The following TBCE variants were observed in gnomAD, a reference collection of about 807,000 sequenced individuals.
TBCE encodes the protein tubulin-specific chaperone E.
A neutral mutation model predicts 77.0 loss-of-function variants in TBCE; 53 were observed. The ratio of observed to expected loss-of-function variants is 0.69; its 90% CI spans 0.55 to 0.87. TBCE has a LOEUF of 0.87. Ranked by LOEUF, TBCE falls within the 40% of genes least tolerant of loss-of-function variation. The pLI is 0.00. For missense variants in TBCE, 624 were observed against 622.4 expected (o/e 1.00, Z -0.03); for synonymous variants, 235 against 241.3 (o/e 0.97, Z 0.24).
chr1:235,401,796 G>A (rs1679120131), intron 3 of TBCE, among the ~76,000 whole-genome samples: 1 of 133,162 alleles, frequency 7.5e-6, no homozygotes, highest in Non-Finnish European at 1.6e-5. Flanking sequence ...TCTGACTCTT[G>A]ACCTTATGCA....
At chr1:235,440,289 T>G (rs543088012) in intron 13 of TBCE, among the ~76,000 whole-genome samples, 1 of 149,358 alleles carries the variant, frequency 6.7e-6, no homozygotes, top group South Asian at 2.1e-4. Flanking sequence ...ACTTCTTAAA[T>G]GTAGGTTCTT....
chr1:235,407,569 A>G (rs1437267824), intron 3 of TBCE, among the ~76,000 whole-genome samples: 2 of 152,168 alleles, frequency 1.3e-5, no homozygotes, highest in Non-Finnish European at 2.9e-5. Flanking sequence ...GCTTCAGGTT[A>G]CAACAGGCAG....
chr1:235,448,428 T>C lies in TBCE; in HGVS notation c.1479T>C (p.Tyr493=). The C allele has an allele frequency of 6.2e-7, 1 of 1,614,078 alleles. No homozygotes were observed. The change falls in exon 16 of 17, where the codon TAT becomes TAC. Residue 493 remains tyrosine, a synonymous_variant. Transcript: ENST00000642610. ...KVPVSDLLLS[Y]ESPKKPGREI... ...CTGTGTCAGACCTTCTGTTGTCCTA[T>C]GAAAGTCCCAAAGTAAGTTGCCCAG...
chr1:235,408,535 T>C (rs1269896917), intron 3 of TBCE, among the ~76,000 whole-genome samples: 1 of 152,116 alleles, frequency 6.6e-6, no homozygotes. Flanking sequence ...AAGGTTTTCT[T>C]GAATCAGAGC....
At chr1:235,436,664 C>A in intron 11 of TBCE, 56 bp downstream of exon 11, 2 of 1,505,354 alleles carry the variant, frequency 1.3e-6, no homozygotes, top group Non-Finnish European at 1.8e-6. Context: ...ACTCTCATGG[C>A]AGAGTTTGGA....
chr1:235,448,232 AAAAAAAAAGAC>A, intron 15 of TBCE, 106 bp from the exon 16 acceptor site: 1 of 798,480 alleles, frequency 1.3e-6, no homozygotes, highest in South Asian at 1.7e-5. Context: ...AAAAAAAAAA[AAAAAAAAAGAC>A]AGATACAGCT....
chr1:235,431,977 T>C (rs753259511), intron 7 of TBCE, among the ~76,000 whole-genome samples: 18 of 146,182 alleles, frequency 1.2e-4, no homozygotes, highest in Non-Finnish European at 3.0e-5. Context: ...CAGCCCACTT[T>C]CATTTTTATT....
chr1:235,379,229 C>G (rs551312591), intron 1 of TBCE, among the ~76,000 whole-genome samples: 1 of 152,078 alleles, frequency 6.6e-6, no homozygotes, highest in African/African-American at 2.4e-5. Context: ...CTGACAACCC[C>G]TAAAAACATG....
intron 9 of TBCE, chr1:235,436,063 G>A: frequency 1.6e-6 from 1 of 606,484 alleles, no homozygotes; most frequent in South Asian, 2.0e-5. Context: ...TTTGAAGAAT[G>A]AATAATTTGA....
In TBCE at chr1:235,430,813, ATTTC is replaced by A. The variant is rs746421871; in HGVS notation, c.660+13_660+16del. The A allele has an allele frequency of 6.2e-7, 1 of 1,607,128 alleles. No homozygotes were observed. The highest frequency in any genetic ancestry group is 1.1e-5 in the South Asian group (1 of 90,862). ...GAATAACGTGGGCTGAGGTAATCAT[ATTTC>A]TTTGTTTTATTACACATTAATAAGC... On this transcript the variant is annotated intron_variant, in intron 7 of 16. Coordinates refer to ENST00000642610, the MANE Select transcript of TBCE (RefSeq NM_003193.5).
At chr1:235,423,426 C>T (rs1309689841) in intron 5 of TBCE, among the ~76,000 whole-genome samples, 1 of 152,098 alleles carries the variant, frequency 6.6e-6, no homozygotes. Flanking sequence ...TGGGAAGCAG[C>T]AGTGAGGGAA....
chr1:235,376,302 T>A (rs1486466032), intron 1 of TBCE, among the ~76,000 whole-genome samples: 1 of 152,140 alleles, frequency 6.6e-6, no homozygotes, highest in Non-Finnish European at 1.5e-5. Flanking sequence ...CTCTCTGGTT[T>A]TACTTCCCAT....
At position 235,409,978 on chromosome 1, in the gene TBCE, C is replaced by T. The variant is rs113593910; in HGVS notation, c.186-4455C>T. On this transcript the variant is annotated intron_variant, in intron 3 of 16. Transcript: ENST00000642610. ...CCGGGAGTTGGAGATTGCAGTGAAC[C>T]GAGATCGTGCCACTGCACTCCAGCC... is the stretch of plus-strand genomic sequence containing the variant. 4.0e-3 allele frequency among the ~76,000 whole-genome samples: 592 copies of T among 147,370 alleles called. 4 individuals are homozygous for T. The highest frequency in any genetic ancestry group is 0.015 in the African/African-American group (569 of 39,192).
intron 1 of TBCE, 72 bp from the exon 2 acceptor site, chr1:235,379,947 C>CAAA (rs36068852): frequency 2.8e-3 from 2,025 of 726,730 alleles, no homozygotes; most frequent in Middle Eastern, 4.5e-3. Flanking sequence ...GACTGTGCCT[C>CAAA]AAAAAAAAAA....
chr1:235,427,036 A>G, intron 5 of TBCE, 104 bp from the exon 6 acceptor site: 2 of 800,884 alleles, frequency 2.5e-6, no homozygotes, highest in African/African-American at 3.4e-5. Flanking sequence ...ACTAGAGGGT[A>G]TAAAATGAAA....
chr1:235,396,020 G>C (rs984184439), intron 2 of TBCE, among the ~76,000 whole-genome samples: 1 of 151,842 alleles, frequency 6.6e-6, no homozygotes, highest in Admixed American at 6.6e-5. Flanking sequence ...TTTAAGGCTG[G>C]ATAGTATTTT....
At position 235,450,110 on chromosome 1, in the gene TBCE, C is replaced by G; in HGVS notation, c.*1348C>G. 2 of 1,448,204 alleles carry G rather than the reference C, an allele frequency of 1.4e-6. No individual in the cohort carries two copies. Among genetic ancestry groups the G allele is most frequent in the Non-Finnish European group, 1.9e-6 (2 of 1,044,462 alleles). The allele number at this position is 1,448,204 out of a possible 1,614,324, so 89.7% of individuals were successfully genotyped here. A position where few individuals can be genotyped will look rare whatever the true frequency, so the allele number is the denominator to read the frequency against. On this transcript the variant is annotated 3_prime_UTR_variant, in exon 17 of 17. Transcript: ENST00000642610. Reference sequence around the variant, plus strand: ...CCAGTCTGGAACTCTCTTGAAAGACCATACAGTCTACTGCTAAACCCTGGG... The same window carrying G: ...CCAGTCTGGAACTCTCTTGAAAGACGATACAGTCTACTGCTAAACCCTGGG...
chr1:235,436,319 G>A (rs1681446523), intron 9 of TBCE, 67 bp from the exon 10 acceptor site: 1 of 1,493,462 alleles, frequency 6.7e-7, no homozygotes, highest in Non-Finnish European at 9.3e-7. Flanking sequence ...TACAAACCGA[G>A]TCTGGTTGAT....
intron 11 of TBCE, among the ~76,000 whole-genome samples, chr1:235,436,956 T>TA (rs758098766): frequency 0.029 from 3,758 of 131,206 alleles, 144 homozygotes; most frequent in African/African-American, 0.093. Context: ...CCATCTCTAC[T>TA]AAAAAAAAAA....
Sources: allele counts gnomAD v4.1 joint callset (sites outside exome capture counted in the v4.1 genomes callset), GRCh38; gene constraint gnomAD v4.1.1; transcripts MANE v1.5; gene names NCBI Gene and HGNC (gene_info 2026-07-23, HGNC 2026-07-21).